RBFOX1: variants seen among roughly 807,000 people sequenced by gnomAD.
RBFOX1 encodes RNA binding protein fox-1 homolog 1.
In RBFOX1, 8 loss-of-function variants were observed where a neutral mutation model predicts 57.7. The ratio of observed to expected loss-of-function variants is 0.14; its 90% CI spans 0.08 to 0.25. The LOEUF is 0.25. RBFOX1 is among the 10% of genes least tolerant of loss of function. The probability of loss-of-function intolerance (pLI) is 1.00; values close to 1 mark genes in which losing one functional copy is unlikely to be tolerated. For missense variants in RBFOX1, 611 were observed against 548.5 expected, an observed-to-expected ratio of 1.11 and a Z score of -1.14; for synonymous variants, 326 against 222.4, an observed-to-expected ratio of 1.47 and a Z score of -4.15.
intron 1 of RBFOX1, among the ~76,000 whole-genome samples, chr16:5,297,416 C>CT (rs2063696247): frequency 1.3e-5 from 2 of 152,168 alleles, no homozygotes; most frequent in South Asian, 2.1e-4. Flanking sequence ...TATCTTTCAT[C>CT]TTTTTTATCA....
chr16:7,130,146 C>A (rs1334952351), intron 4 of RBFOX1, among the ~76,000 whole-genome samples: 1 of 151,624 alleles, frequency 6.6e-6, no homozygotes, highest in Non-Finnish European at 1.5e-5. Flanking sequence ...AATTCTCCTG[C>A]CTCAGCCTTC....
chr16:6,122,049 G>T (rs931393965), intron 1 of RBFOX1, among the ~76,000 whole-genome samples: 1 of 152,066 alleles, frequency 6.6e-6, no homozygotes, highest in African/African-American at 2.4e-5. Flanking sequence ...GGGACTACAG[G>T]CATGCACCAC....
chr16:5,939,260 A>C (rs769342764), intron 4 of RBFOX1, among the ~76,000 whole-genome samples: 12 of 152,232 alleles, frequency 7.9e-5, no homozygotes. Context: ...TCATATTAGT[A>C]TATGTAATTG....
chr16:7,667,675 C>CTA (rs1444583690), intron 13 of RBFOX1, among the ~76,000 whole-genome samples: 1 of 108,590 alleles, frequency 9.2e-6, no homozygotes, highest in South Asian at 3.6e-4. Flanking sequence ...AGATTTAAAC[C>CTA]TCTTTTTGTT....
chr16:5,443,710 C>T (rs1470560428), intron 1 of RBFOX1, among the ~76,000 whole-genome samples: 1 of 152,188 alleles, frequency 6.6e-6, no homozygotes, highest in Non-Finnish European at 1.5e-5. Context: ...TGAGTGTTTA[C>T]TCTGGGTCAG....
intron 3 of RBFOX1, among the ~76,000 whole-genome samples, chr16:6,658,156 G>C (rs1262494237): frequency 1.3e-5 from 2 of 151,948 alleles, no homozygotes; most frequent in Non-Finnish European, 2.9e-5. Flanking sequence ...CGATTATCTT[G>C]AGATGAATGA....
At chr16:6,652,813 A>T (rs924527676) in intron 2 of RBFOX1, among the ~76,000 whole-genome samples, 1 of 152,102 alleles carries the variant, frequency 6.6e-6, no homozygotes, top group African/African-American at 2.4e-5. Flanking sequence ...AAATGAAAAA[A>T]TTCTGGAGAT....
intron 4 of RBFOX1, among the ~76,000 whole-genome samples, chr16:7,287,921 CA>C (rs1410522976): frequency 6.6e-6 from 1 of 152,144 alleles, no homozygotes; most frequent in Non-Finnish European, 1.5e-5. Context: ...TTTCAAAATA[CA>C]CATAGTTTGT....
rs528383266 is a variant in RBFOX1, at chr16:7,051,366, C to G, written c.-15-691C>G. On this transcript the variant is annotated intron_variant, in intron 3 of 15. Coordinates refer to ENST00000550418, the MANE Select transcript of RBFOX1 (RefSeq NM_018723.4). The stretch of plus-strand genomic sequence containing the variant: ...GTTTGGATAATAAATTATATGGCCA[C>G]TCCAAAGAAGCGTCCTTGGACATTA... Among the ~76,000 whole-genome samples, 28 of 152,340 alleles carry G rather than the reference C, an allele frequency of 1.8e-4. No homozygotes were observed. In the South Asian group the frequency reaches 5.4e-3, roughly 29 times the overall value.
intron 1 of RBFOX1, among the ~76,000 whole-genome samples, chr16:6,244,078 C>T (rs2097555384): frequency 6.6e-6 from 1 of 152,076 alleles, no homozygotes; most frequent in South Asian, 2.1e-4. Context: ...TTCCATATAT[C>T]TTGCCATCTT....
chr16:6,352,773 C>A (rs1281643508), intron 2 of RBFOX1, among the ~76,000 whole-genome samples: 1 of 152,212 alleles, frequency 6.6e-6, no homozygotes, highest in East Asian at 1.9e-4. Flanking sequence ...CTGCAAGTTA[C>A]TGCGACGCTG....
At chr16:6,277,854 G>T (rs955494343) in intron 1 of RBFOX1, among the ~76,000 whole-genome samples, 2 of 151,990 alleles carry the variant, frequency 1.3e-5, no homozygotes, top group Admixed American at 1.3e-4. Context: ...AGAAACTTTT[G>T]ATCTGCTGGG....
At chr16:7,481,019 A>G (rs2063805356) in intron 4 of RBFOX1, among the ~76,000 whole-genome samples, 1 of 152,170 alleles carries the variant, frequency 6.6e-6, no homozygotes. Context: ...TGATATGGCC[A>G]AAGAACCCTA....
At chr16:6,420,923 T>C (rs2093753871) in intron 2 of RBFOX1, among the ~76,000 whole-genome samples, 1 of 152,204 alleles carries the variant, frequency 6.6e-6, no homozygotes, top group African/African-American at 2.4e-5. Context: ...CAAAGGGCAC[T>C]TACTGTAAGC....
intron 4 of RBFOX1, among the ~76,000 whole-genome samples, chr16:7,162,329 C>T (rs944313691): frequency 6.6e-6 from 1 of 152,058 alleles, no homozygotes; most frequent in African/African-American, 2.4e-5. Flanking sequence ...ATGTATATAT[C>T]TATTTGGCGA....
intron 4 of RBFOX1, among the ~76,000 whole-genome samples, chr16:5,873,494 G>C (rs2057531231): frequency 6.6e-6 from 1 of 152,220 alleles, no homozygotes; most frequent in Admixed American, 6.5e-5. Flanking sequence ...AAACAATCAT[G>C]TGGTCTTAAT....
intron 2 of RBFOX1, among the ~76,000 whole-genome samples, chr16:6,540,372 G>C (rs989591950): frequency 6.6e-6 from 1 of 151,412 alleles, no homozygotes; most frequent in South Asian, 2.1e-4. Context: ...CCAGCACTTT[G>C]GGAGGCTGAG....
At chr16:6,483,631 A>T in intron 2 of RBFOX1, 2 of 1,244,354 alleles carry the variant, frequency 1.6e-6, no homozygotes, top group East Asian at 6.0e-5. Context: ...GAGACCAGGC[A>T]GCTTCTGCAG....
chr16:6,770,455 T>C (rs2078100270), intron 3 of RBFOX1, among the ~76,000 whole-genome samples: 1 of 152,232 alleles, frequency 6.6e-6, no homozygotes, highest in South Asian at 2.1e-4. Context: ...CAAGCATATA[T>C]TTCTGCGGCA....
Sources: gnomAD v4.1 joint callset for allele counts (sites outside exome capture counted in the v4.1 genomes callset) on GRCh38, gnomAD v4.1.1 for gene constraint, MANE v1.5 for transcripts, NCBI Gene and HGNC (gene_info 2026-07-23, HGNC 2026-07-21) for gene names.